The following ATP9A variants were observed in gnomAD, a reference collection of about 807,000 sequenced individuals.
ATP9A encodes the protein probable phospholipid-transporting ATPase IIA.
Under a neutral mutation model 144.1 loss-of-function variants are expected in ATP9A, and 52 were observed. The ratio of observed to expected loss-of-function variants is 0.36; its 90% CI spans 0.29 to 0.45. The LOEUF (loss-of-function observed/expected upper bound fraction) is 0.45, where lower values mean the gene tolerates loss of function less well. Among genes scored for constraint, ATP9A ranks in the 20% least tolerant of loss-of-function variants. The pLI is 1.00. For missense variants in ATP9A, 947 were observed against 1,392.7 expected, an observed-to-expected ratio of 0.68 and a Z score of 5.09; for synonymous variants, 582 against 557.4, an observed-to-expected ratio of 1.04 and a Z score of -0.62.
chr20:51,684,383 G>C (rs1474163121), intron 9 of ATP9A, among the ~76,000 whole-genome samples: 2 of 152,186 alleles, frequency 1.3e-5, no homozygotes, highest in Non-Finnish European at 2.9e-5. Context: ...AGGACACAAA[G>C]TGGTCATTCA....
chr20:51,662,292 A>C (rs550571296), intron 13 of ATP9A, among the ~76,000 whole-genome samples: 1 of 152,324 alleles, frequency 6.6e-6, no homozygotes, highest in East Asian at 1.9e-4. Flanking sequence ...TCACGCCTGT[A>C]ATCCCAGCAC....
intron 4 of ATP9A, among the ~76,000 whole-genome samples, chr20:51,704,031 T>G (rs972548012): frequency 2.0e-5 from 3 of 152,148 alleles, no homozygotes; most frequent in Admixed American, 2.0e-4. Flanking sequence ...GTTCAGAGGT[T>G]TAAAGTTGAA....
At chr20:51,693,957 C>A (rs2077559364) in intron 7 of ATP9A, 51 bp downstream of exon 7, 2 of 1,520,224 alleles carry the variant, frequency 1.3e-6, no homozygotes, top group Non-Finnish European at 1.8e-6. Context: ...AGTTTGAGAA[C>A]CCTGCTAAGA....
At chr20:51,752,217 CCCTGCTAAG>C (rs1254223366) in intron 1 of ATP9A, among the ~76,000 whole-genome samples, 5 of 152,166 alleles carry the variant, frequency 3.3e-5, no homozygotes, top group Non-Finnish European at 5.9e-5. Flanking sequence ...AGTTAATTAA[CCCTGCTAAG>C]CCTCCGTTTC....
rs2077454365 is a variant in ATP9A, at chr20:51,671,200, G to C, written c.1095C>G (p.Asp365Glu). ...KIVYSWVIRR[D>E]SKIPGTVVRS... ...GAACCACGGTCCCGGGGATTTTCGAGTCCCTTCGAATCACCCAGCTGTACA... is the reference window on the plus strand; with the variant it reads ...GAACCACGGTCCCGGGGATTTTCGACTCCCTTCGAATCACCCAGCTGTACA... The change falls in exon 12 of 28, where the codon GAC becomes GAG. Residue 365 changes from aspartate (D) to glutamate (E), a missense_variant. This residue lies in a region of ATP9A where 770 missense variants were observed against 1,047.9 expected (regional missense o/e 0.73). Transcript: ENST00000338821. 19 of 1,614,106 alleles carry C rather than the reference G, an allele frequency of 1.2e-5. No homozygotes were observed. The East Asian group carries it at 4.2e-4, about 36-fold the overall frequency.
At chr20:51,659,712 C>A (rs1321858227) in intron 13 of ATP9A, among the ~76,000 whole-genome samples, 25 of 152,114 alleles carry the variant, frequency 1.6e-4, no homozygotes, top group Admixed American at 1.6e-3. Flanking sequence ...ACCCGATTGC[C>A]CAAAATAGAG....
chr20:51,688,765 T>C (rs751090617), intron 9 of ATP9A, among the ~76,000 whole-genome samples: 1 of 151,878 alleles, frequency 6.6e-6, no homozygotes, highest in Non-Finnish European at 1.5e-5. Context: ...AGCCAGAACA[T>C]CCAGGCTGCC....
Position 51,617,243 on chromosome 20 carries a change from C to T in ATP9A, c.2415+247G>A, listed in dbSNP as rs545826768. 8.6e-5 allele frequency among the ~76,000 whole-genome samples: 13 copies of T among 151,412 alleles called. No homozygotes were observed. In the South Asian group the frequency reaches 2.1e-3, roughly 25 times the overall value. ...TACAGGCGTGAGCCACCACACCGGG[C>T]CTAGAAACACTTTTTCTTTTTTTAA... On this transcript the variant is annotated intron_variant, in intron 22 of 27. Transcript: ENST00000338821.
chr20:51,609,178 C>T (rs750581701), intron 24 of ATP9A, among the ~76,000 whole-genome samples: 9 of 152,046 alleles, frequency 5.9e-5, no homozygotes, highest in African/African-American at 4.8e-5. Context: ...TGAGGACCCA[C>T]GGGAAAGATG....
chr20:51,757,108 G>T (rs192538472), intron 1 of ATP9A, among the ~76,000 whole-genome samples: 15 of 152,204 alleles, frequency 9.9e-5, no homozygotes, highest in Admixed American at 5.2e-4. Flanking sequence ...AGAGGCCAGG[G>T]ATGTTGCTAA....
chr20:51,676,099 G>A, intron 10 of ATP9A, 33 bp downstream of exon 10: 1 of 1,560,660 alleles, frequency 6.4e-7, no homozygotes, highest in Non-Finnish European at 8.8e-7. Flanking sequence ...CCAGCCCACA[G>A]CCGGTCAATG....
chr20:51,750,432 C>T (rs2151119), intron 1 of ATP9A, among the ~76,000 whole-genome samples: 32,525 of 152,144 alleles, frequency 0.21, 3,658 homozygotes, highest in East Asian at 0.38. Context: ...GGTTCTAACA[C>T]AGACCTAGGC....
At chr20:51,664,243 C>G (rs1387003407) in intron 13 of ATP9A, among the ~76,000 whole-genome samples, 1 of 151,702 alleles carries the variant, frequency 6.6e-6, no homozygotes, top group South Asian at 2.1e-4. Context: ...TTGTATTGTA[C>G]TACTGAACAT....
intron 1 of ATP9A, among the ~76,000 whole-genome samples, chr20:51,750,962 AAC>A (rs1474663918): frequency 4.6e-5 from 7 of 152,196 alleles, no homozygotes; most frequent in Non-Finnish European, 8.8e-5. Flanking sequence ...GTCCATGAGC[AAC>A]ACACATTGGG....
chr20:51,644,031 A>C (rs1048505975), intron 14 of ATP9A, among the ~76,000 whole-genome samples: 2 of 152,088 alleles, frequency 1.3e-5, no homozygotes, highest in Non-Finnish European at 2.9e-5. Flanking sequence ...GCTACTCGGG[A>C]GTCTAAGGCA....
intron 1 of ATP9A, among the ~76,000 whole-genome samples, chr20:51,767,853 C>A (rs1281132613): frequency 1.3e-5 from 2 of 152,222 alleles, no homozygotes; most frequent in African/African-American, 2.4e-5. Context: ...GCCGCGCCCC[C>A]CTAAAAGCTG....
In ATP9A at chr20:51,601,262, C is replaced by T. The variant is rs768219254; in HGVS notation, c.3093G>A (p.Lys1031=). 11 of 1,613,884 alleles carry T rather than the reference C, an allele frequency of 6.8e-6. No individual in the cohort carries two copies. The South Asian group carries it at 1.2e-4, about 18-fold the overall frequency. ...GGGGAGAGAACCGTCTTCGCAGGTA[C>T]TTGAGGACATAGAGGGGGAGGCAGC... ...LVSCLPLYVL[K]YLRRRFSPPS... is the part of the protein sequence containing the mutation. Residue 1031 remains lysine, a synonymous_variant, in exon 28 of 28, where the codon AAG becomes AAA. Transcript: ENST00000338821.
chr20:51,718,668 A>G (rs1568834433), intron 3 of ATP9A, among the ~76,000 whole-genome samples: 2 of 151,340 alleles, frequency 1.3e-5, no homozygotes, highest in African/African-American at 2.4e-5. Flanking sequence ...TACAAAAGTT[A>G]GCCAGGTGTG....
chr20:51,622,050 G>A lies in ATP9A; in HGVS notation c.2115+24C>T, dbSNP rs768635973. On this transcript the variant is annotated intron_variant, in intron 19 of 27. Transcript: ENST00000338821. ...ACAAATCGAACATCATCCCCACATG[G>A]CCCTAACGCAGAGGACACTTTACCA... is the stretch of plus-strand genomic sequence containing the variant. 4 of 1,601,020 alleles carry A rather than the reference G, an allele frequency of 2.5e-6. 1 individual carries two copies. In the Admixed American group the frequency reaches 5.0e-5, roughly 20 times the overall value.
Sources: allele counts gnomAD v4.1 joint callset (sites outside exome capture counted in the v4.1 genomes callset), GRCh38; gene constraint gnomAD v4.1.1; regional missense constraint gnomAD v4.1.1; transcripts MANE v1.5; gene names NCBI Gene and HGNC (gene_info 2026-07-23, HGNC 2026-07-21).